The following KHDRBS2 variants were observed in gnomAD, a reference collection of about 807,000 sequenced individuals.
The protein encoded by KHDRBS2 is KH domain-containing, RNA-binding, signal transduction-associated protein 2.
KHDRBS2 carries 26 observed loss-of-function variants against 44.3 expected under a neutral mutation model. The observed-to-expected ratio is 0.59, with a 90% confidence interval of 0.43 to 0.81. The LOEUF is 0.81. Among genes scored for constraint, KHDRBS2 ranks in the 40% least tolerant of loss-of-function variants. The probability of loss-of-function intolerance (pLI) is 0.00; values close to 1 mark genes in which losing one functional copy is unlikely to be tolerated. For synonymous variants in KHDRBS2, 194 were observed against 151.1 expected, an observed-to-expected ratio of 1.28 and a Z score of -2.08; for missense variants, 476 against 433.1, an observed-to-expected ratio of 1.10 and a Z score of -0.88.
chr6:62,043,061 A>G (rs1786893153), intron 3 of KHDRBS2, among the ~76,000 whole-genome samples: 4 of 152,130 alleles, frequency 2.6e-5, no homozygotes, highest in Middle Eastern at 6.8e-3. Flanking sequence ...TGCTTTCAAG[A>G]TCTCCTATTT....
intron 2 of KHDRBS2, among the ~76,000 whole-genome samples, chr6:62,119,173 T>C (rs552375542): frequency 6.6e-6 from 1 of 152,300 alleles, no homozygotes; most frequent in South Asian, 2.1e-4. Context: ...TCTAATATTA[T>C]GGAGAACACT....
chr6:61,815,389 T>C (rs543575262), intron 6 of KHDRBS2, among the ~76,000 whole-genome samples: 18 of 152,290 alleles, frequency 1.2e-4, no homozygotes, highest in African/African-American at 4.3e-4. Context: ...GAAACTGCAG[T>C]AAGCAAAACC....
chr6:61,603,012 C>T, the KHDRBS2 span, among the ~76,000 whole-genome samples: 1 of 152,092 alleles, frequency 6.6e-6, no homozygotes, highest in African/African-American at 2.4e-5. Flanking sequence ...TAGGACACCT[C>T]TACTTCCTCC....
intron 1 of KHDRBS2, among the ~76,000 whole-genome samples, chr6:62,185,487 A>G (rs544353564): frequency 7.2e-5 from 11 of 152,088 alleles, no homozygotes; most frequent in Non-Finnish European, 1.2e-4. Context: ...GTTCTTGAAT[A>G]TAGAATCATA....
At chr6:61,870,726 G>A (rs952536579) in intron 6 of KHDRBS2, among the ~76,000 whole-genome samples, 1 of 152,092 alleles carries the variant, frequency 6.6e-6, no homozygotes, top group African/African-American at 2.4e-5. Context: ...TGATACCCAG[G>A]GAAACAGGGT....
chr6:61,727,968 G>A (rs1221476191), intron 7 of KHDRBS2, among the ~76,000 whole-genome samples: 3 of 152,058 alleles, frequency 2.0e-5, no homozygotes, highest in Non-Finnish European at 2.9e-5. Flanking sequence ...AAAGATACAT[G>A]CACACATATG....
intron 3 of KHDRBS2, among the ~76,000 whole-genome samples, chr6:62,024,875 G>T (rs1783008333): frequency 6.6e-6 from 1 of 151,418 alleles, no homozygotes; most frequent in South Asian, 2.1e-4. Context: ...ATTTATCATG[G>T]TCCTCATGAG....
intron 6 of KHDRBS2, among the ~76,000 whole-genome samples, chr6:61,890,784 GT>G (rs112875382): frequency 3.9e-5 from 6 of 152,064 alleles, no homozygotes; most frequent in Admixed American, 1.3e-4. Context: ...TAGTCCCTGA[GT>G]TTTTTTTGAA....
chr6:61,816,407 A>G (rs967766425), intron 6 of KHDRBS2, among the ~76,000 whole-genome samples: 1 of 152,056 alleles, frequency 6.6e-6, no homozygotes, highest in Non-Finnish European at 1.5e-5. Context: ...ATACAGCGAG[A>G]ATACATGTGT....
intron 1 of KHDRBS2, among the ~76,000 whole-genome samples, chr6:62,280,069 G>A (rs1240930474): frequency 3.3e-5 from 5 of 152,176 alleles, no homozygotes; most frequent in East Asian, 1.9e-4. Flanking sequence ...AGAGGCGTTC[G>A]TTATGGGAAT....
At chr6:62,079,748 C>A (rs1797037955) in intron 2 of KHDRBS2, among the ~76,000 whole-genome samples, 1 of 152,018 alleles carries the variant, frequency 6.6e-6, no homozygotes, top group Non-Finnish European at 1.5e-5. Flanking sequence ...CCTAATGCCT[C>A]TGCTAAGAGG....
intron 6 of KHDRBS2, among the ~76,000 whole-genome samples, chr6:61,778,653 C>A (rs1164771873): frequency 6.6e-6 from 1 of 152,176 alleles, no homozygotes; most frequent in Non-Finnish European, 1.5e-5. Context: ...TTTCCTGGGA[C>A]ATAGTGCCAC....
At chr6:62,257,935 C>G (rs1245563524) in intron 1 of KHDRBS2, among the ~76,000 whole-genome samples, 1 of 152,006 alleles carries the variant, frequency 6.6e-6, no homozygotes, top group Admixed American at 6.6e-5. Context: ...AAGCCTGAAG[C>G]ATGTTTAACT....
At chr6:62,209,665 G>A (rs1420866387) in intron 1 of KHDRBS2, among the ~76,000 whole-genome samples, 2 of 152,144 alleles carry the variant, frequency 1.3e-5, no homozygotes, top group African/African-American at 2.4e-5. Flanking sequence ...TGAATCAGTG[G>A]ACTGGGAGAG....
chr6:62,031,821 G>C (rs1307139119), intron 3 of KHDRBS2, among the ~76,000 whole-genome samples: 10 of 152,032 alleles, frequency 6.6e-5, no homozygotes, highest in Admixed American at 1.3e-4. Flanking sequence ...CACCCAGAAG[G>C]GAAGGACACA....
the KHDRBS2 span, among the ~76,000 whole-genome samples, chr6:61,567,867 G>T: frequency 3.3e-5 from 5 of 151,990 alleles, no homozygotes; most frequent in African/African-American, 1.2e-4. Context: ...CTTTTTGGAT[G>T]TGAGGGTGAT....
chr6:62,005,966 T>G (rs1779139258), intron 3 of KHDRBS2, among the ~76,000 whole-genome samples: 1 of 151,904 alleles, frequency 6.6e-6, no homozygotes, highest in South Asian at 2.1e-4. Flanking sequence ...GACGAAAAAT[T>G]TGAAAGCAAT....
the KHDRBS2 span, among the ~76,000 whole-genome samples, chr6:61,563,925 C>T: frequency 6.6e-6 from 1 of 152,020 alleles, no homozygotes; most frequent in South Asian, 2.1e-4. Context: ...TTAAAACATG[C>T]AGCAATAGAG....
At chr6:62,226,250 T>C (rs1831801342) in intron 1 of KHDRBS2, among the ~76,000 whole-genome samples, 1 of 152,212 alleles carries the variant, frequency 6.6e-6, no homozygotes, top group Admixed American at 6.5e-5. Flanking sequence ...TGAGATGGTA[T>C]CTTATTGTAA....
Sources: allele counts gnomAD v4.1 joint callset (sites outside exome capture counted in the v4.1 genomes callset), GRCh38; gene constraint gnomAD v4.1.1; transcripts MANE v1.5; gene names NCBI Gene and HGNC (gene_info 2026-07-23, HGNC 2026-07-21).